Variants in PPP1R1C observed in about 807,000 individuals in gnomAD.
The protein encoded by PPP1R1C is protein phosphatase 1 regulatory inhibitor subunit 1C, also known as protein phosphatase 1 regulatory subunit 1C.
Under a neutral mutation model 17.4 loss-of-function variants are expected in PPP1R1C, and 15 were observed. The ratio of observed to expected loss-of-function variants is 0.86; its 90% confidence interval spans 0.58 to 1.33. PPP1R1C has a LOEUF of 1.33. Among genes scored for constraint, PPP1R1C ranks in the 40% most tolerant of loss-of-function variants. The probability of loss-of-function intolerance (pLI) is 0.00; values close to 1 mark genes in which losing one functional copy is unlikely to be tolerated. For synonymous variants in PPP1R1C, 35 were observed against 43.1 expected (o/e 0.81, Z 0.73); for missense variants, 143 against 130.0 (o/e 1.10, Z -0.48).
chr2:182,043,064 G>A (rs991943126), intron 2 of PPP1R1C, among the ~76,000 whole-genome samples: 5 of 152,134 alleles, frequency 3.3e-5, no homozygotes, highest in Admixed American at 1.3e-4. Context: ...TTAAAAAATT[G>A]ACTATTAAAA....
rs140795512 is a variant in PPP1R1C, at chr2:182,051,720, T to C, written c.143-9722T>C. On this transcript the variant is annotated intron_variant, in intron 2 of 4. Transcript: ENST00000682840. ...CATTAGAGTGAACTTGATATTGACA[T>C]AATGACCTCTCTATGTTTATTCCCA... 5.3e-5 allele frequency among the ~76,000 whole-genome samples: 8 copies of C among 152,340 alleles called. No homozygotes were observed. The East Asian group carries it at 1.5e-3, about 29-fold the overall frequency.
intron 4 of PPP1R1C, among the ~76,000 whole-genome samples, chr2:182,089,259 AT>A (rs1202619727): frequency 2.0e-5 from 3 of 152,230 alleles, no homozygotes; most frequent in African/African-American, 7.2e-5. Flanking sequence ...TCAGTAGTAA[AT>A]TCTCATTTGA....
At chr2:182,014,718 T>C (rs933498438) in intron 2 of PPP1R1C, among the ~76,000 whole-genome samples, 1 of 151,970 alleles carries the variant, frequency 6.6e-6, no homozygotes, top group Non-Finnish European at 1.5e-5. Context: ...ACCTACTTGG[T>C]GCTCCTTTCT....
At chr2:181,990,547 A>G (rs1685447190) in intron 2 of PPP1R1C, among the ~76,000 whole-genome samples, 1 of 152,230 alleles carries the variant, frequency 6.6e-6, no homozygotes, top group South Asian at 2.1e-4. Context: ...AACATGACTT[A>G]AAAATTGCAA....
chr2:182,085,872 A>G (rs1688613291), intron 4 of PPP1R1C, among the ~76,000 whole-genome samples: 1 of 152,164 alleles, frequency 6.6e-6, no homozygotes, highest in Non-Finnish European at 1.5e-5. Context: ...TGCCCTCCAG[A>G]ATATCTTAGT....
At chr2:181,971,566 C>G (rs189698790) in intron 1 of PPP1R1C, among the ~76,000 whole-genome samples, 50 of 152,244 alleles carry the variant, frequency 3.3e-4, no homozygotes, top group Admixed American at 9.2e-4. Context: ...CTTGGCCACC[C>G]CAGCTGGTGT....
intron 1 of PPP1R1C, among the ~76,000 whole-genome samples, chr2:181,987,097 A>G (rs1052014896): frequency 6.6e-6 from 1 of 152,166 alleles, no homozygotes; most frequent in African/African-American, 2.4e-5. Flanking sequence ...ATCCATGCTG[A>G]ATGGGATGTT....
intron 4 of PPP1R1C, among the ~76,000 whole-genome samples, chr2:182,086,093 C>A (rs1574440150): frequency 2.0e-5 from 3 of 151,506 alleles, no homozygotes; most frequent in South Asian, 4.2e-4. Context: ...ACATGAGAAA[C>A]AGGATTATAG....
At chr2:182,079,730 C>T (rs1011284883) in intron 4 of PPP1R1C, among the ~76,000 whole-genome samples, 1 of 152,152 alleles carries the variant, frequency 6.6e-6, no homozygotes, top group African/African-American at 2.4e-5. Context: ...ACCAAGGTAT[C>T]AGTAGGGCCA....
chr2:181,985,778 C>G (rs1282023824), upstream of PPP1R1C: 2 of 336,680 alleles, frequency 5.9e-6, no homozygotes, highest in East Asian at 1.2e-4. This position sits in a 1 kb window ranked among gnomAD's most constrained non-coding sequence, Gnocchi z 4.1. Flanking sequence ...TCCTTCAAGG[C>G]TAGCATTGCA....
intron 4 of PPP1R1C, among the ~76,000 whole-genome samples, chr2:182,076,361 AT>A (rs112297364): frequency 0.047 from 6,658 of 142,204 alleles, 481 homozygotes; most frequent in African/African-American, 0.16. Context: ...CGCCCGACTA[AT>A]TTTTTTTTTT....
Position 181,962,155 on chromosome 2 carries a change from C to T in PPP1R1C, n.111+7521C>T. 16 of 739,732 alleles carry T rather than the reference C, an allele frequency of 2.2e-5. No individual in the cohort carries two copies. 45.8% of individuals were successfully genotyped at this position (739,732 alleles called of 1,614,324 possible). A position where few individuals can be genotyped will look rare whatever the true frequency, so the allele number is the denominator to read the frequency against. The stretch of plus-strand genomic sequence containing the variant: ...CCAGGTGCTCCCGGATTTTGCTCTC[C>T]AGCTTCCGGTTCTTGGTCTCCAGGC... On this transcript the variant is annotated intron_variant and non_coding_transcript_variant, in intron 1 of 5. Coordinates refer to the PPP1R1C transcript ENST00000464264. This position sits in a 1 kb window ranked among gnomAD's most constrained non-coding sequence, Gnocchi z 6.0.
rs553893833 is a variant in PPP1R1C at position 181,976,690 on chromosome 2, C to T, written n.157+1426C>T. 6.6e-6 allele frequency among the ~76,000 whole-genome samples: 1 copy of T among 152,152 alleles called. No individual in the cohort carries two copies. The highest frequency in any genetic ancestry group is 1.5e-5 in the Non-Finnish European group (1 of 68,020). ...TATTTTAAACATCTTTCCCCTCTGG[C>T]TACCTCCTTGCAGCCCAGGACATAT... is the stretch of plus-strand genomic sequence containing the variant. On this transcript the variant is annotated intron_variant and non_coding_transcript_variant, in intron 2 of 5. Transcript: ENST00000464264. This position sits in a 1 kb window ranked among gnomAD's most constrained non-coding sequence, Gnocchi z 4.8.
chr2:181,971,531 G>T (rs1344627335), intron 1 of PPP1R1C, among the ~76,000 whole-genome samples: 2 of 152,128 alleles, frequency 1.3e-5, no homozygotes, highest in East Asian at 3.9e-4. Context: ...GCTGCCTGGG[G>T]TTGGGGAGTT....
intron 1 of PPP1R1C, among the ~76,000 whole-genome samples, chr2:181,958,948 G>A (rs1173464887): frequency 6.6e-6 from 1 of 152,200 alleles, no homozygotes; most frequent in Non-Finnish European, 1.5e-5. Flanking sequence ...AGTGTATTTT[G>A]AGGCACAAAT....
At chr2:182,040,634 G>T (rs1687153308) in intron 2 of PPP1R1C, among the ~76,000 whole-genome samples, 1 of 151,900 alleles carries the variant, frequency 6.6e-6, no homozygotes, top group African/African-American at 2.4e-5. Flanking sequence ...TTATTATTTT[G>T]CCATGTACAA....
chr2:181,987,278 T>C (rs1685326422), intron 1 of PPP1R1C, among the ~76,000 whole-genome samples: 1 of 152,154 alleles, frequency 6.6e-6, no homozygotes, highest in African/African-American at 2.4e-5. Context: ...AAAAAAACTT[T>C]AGAGTTTGTA....
At chr2:182,049,330 C>T (rs1252732984) in intron 2 of PPP1R1C, among the ~76,000 whole-genome samples, 8 of 104,694 alleles carry the variant, frequency 7.6e-5, no homozygotes, top group Non-Finnish European at 1.4e-4. Context: ...GAGATTCCAT[C>T]TCAAAAAAAA....
chr2:182,021,204 T>C (rs1247447013), intron 2 of PPP1R1C, among the ~76,000 whole-genome samples: 3 of 151,882 alleles, frequency 2.0e-5, no homozygotes, highest in African/African-American at 7.3e-5. Flanking sequence ...GTAGAAAGAG[T>C]CCTTAATTGT....
Sources: allele counts gnomAD v4.1 joint callset (sites outside exome capture counted in the v4.1 genomes callset), GRCh38; gene constraint gnomAD v4.1.1; non-coding constraint Gnocchi (gnomAD v3.1); transcripts MANE v1.5; gene names NCBI Gene and HGNC (gene_info 2026-07-23, HGNC 2026-07-21).